NCKAP5: variants seen among roughly 807,000 people sequenced by gnomAD.
The protein encoded by NCKAP5 is NCK associated protein 5, also known as nck-associated protein 5.
In NCKAP5, 92 loss-of-function variants were observed where a neutral mutation model predicts 167.0. The ratio of observed to expected loss-of-function variants is 0.55; its 90% CI spans 0.47 to 0.66. The LOEUF is 0.66. NCKAP5 is among the 30% of genes least tolerant of loss of function. NCKAP5 has a pLI of 0.00. For missense variants in NCKAP5, 2,378 were observed against 2,315.0 expected (o/e 1.03, Z -0.56); for synonymous variants, 891 against 877.4 (o/e 1.02, Z -0.27).
Position 133,160,439 on chromosome 2 carries a change from CT to C in NCKAP5, c.208-30329del, listed in dbSNP as rs796129741. Among the ~76,000 whole-genome samples, 192 of 49,676 alleles carry C rather than the reference CT, an allele frequency of 3.9e-3. 1 individual carries two copies. Among genetic ancestry groups the C allele is most frequent in the South Asian group, 0.022 (31 of 1,428 alleles). The allele number at this position is 49,676 out of a possible 152,430, so 32.6% of individuals were successfully genotyped here. A position where few individuals can be genotyped will look rare whatever the true frequency, so the allele number is the denominator to read the frequency against. On this transcript the variant is annotated intron_variant, in intron 5 of 19. Transcript: ENST00000409261. ...TTTTTTTTTCTTTTCCTTTCTTTTT[CT>C]TTTTTTTTTTTTTAGCAGCGTTTAT...
chr2:132,999,350 A>C (rs1362914317), intron 6 of NCKAP5, among the ~76,000 whole-genome samples: 1 of 152,202 alleles, frequency 6.6e-6, no homozygotes, highest in Admixed American at 6.5e-5. Context: ...CAAAAGCACC[A>C]AAGAGCAGGA....
intron 5 of NCKAP5, among the ~76,000 whole-genome samples, chr2:133,137,109 T>C (rs1427557817): frequency 2.6e-5 from 4 of 152,180 alleles, no homozygotes; most frequent in Non-Finnish European, 5.9e-5. Flanking sequence ...TTACATCTAA[T>C]TGTAGCCTTG....
intron 11 of NCKAP5, among the ~76,000 whole-genome samples, chr2:132,811,824 C>T (rs907679272): frequency 2.6e-5 from 4 of 152,184 alleles, no homozygotes; most frequent in Admixed American, 2.6e-4. Flanking sequence ...CAAAGTTCAG[C>T]GGGAGATTTC....
intron 4 of NCKAP5, chr2:133,284,709 T>C (rs2090046226): frequency 6.6e-6 from 1 of 152,238 alleles, no homozygotes. Flanking sequence ...ATAAGGGACA[T>C]TTCCACATTC....
chr2:133,576,693 G>A, the NCKAP5 span, among the ~76,000 whole-genome samples: 1 of 152,142 alleles, frequency 6.6e-6, no homozygotes. Context: ...AGTGAGAGGG[G>A]GTAACTAAGA....
intron 12 of NCKAP5, among the ~76,000 whole-genome samples, chr2:132,793,961 A>G (rs1684282130): frequency 6.6e-6 from 1 of 151,814 alleles, no homozygotes; most frequent in African/African-American, 2.4e-5. Flanking sequence ...AGGATTATCT[A>G]CTGCAGTAAA....
intron 11 of NCKAP5, among the ~76,000 whole-genome samples, chr2:132,855,183 AG>A (rs1689370809): frequency 6.6e-6 from 1 of 152,174 alleles, no homozygotes; most frequent in African/African-American, 2.4e-5. Flanking sequence ...TACCTCTCAA[AG>A]GGGCCACTTT....
the NCKAP5 span, among the ~76,000 whole-genome samples, chr2:133,610,821 A>G: frequency 1.3e-5 from 2 of 152,218 alleles, no homozygotes; most frequent in African/African-American, 2.4e-5. Flanking sequence ...TACATTTTCT[A>G]CAGTAAACTT....
intron 3 of NCKAP5, among the ~76,000 whole-genome samples, chr2:133,336,227 T>A (rs568310830): frequency 6.6e-6 from 1 of 152,184 alleles, no homozygotes; most frequent in Admixed American, 6.5e-5. Flanking sequence ...ATGTTTTTTC[T>A]GTTCCTTATG....
intron 3 of NCKAP5, among the ~76,000 whole-genome samples, chr2:133,411,478 C>CACCGATG (rs1688770214): frequency 6.6e-6 from 1 of 152,284 alleles, no homozygotes; most frequent in African/African-American, 2.4e-5. Context: ...GACAAGGAAT[C>CACCGATG]ACCGATGAGC....
At chr2:133,637,774 T>TA in the NCKAP5 span, among the ~76,000 whole-genome samples, 2 of 152,082 alleles carry the variant, frequency 1.3e-5, no homozygotes, top group Admixed American at 1.3e-4. Flanking sequence ...AAATTTAACA[T>TA]ACATGCGATT....
intron 3 of NCKAP5, among the ~76,000 whole-genome samples, chr2:133,325,818 G>T (rs1682397060): frequency 6.6e-6 from 1 of 152,134 alleles, no homozygotes; most frequent in African/African-American, 2.4e-5. Flanking sequence ...GCTAGCCTTG[G>T]CCTCCCAACT....
chr2:133,495,638 G>C (rs1007675267), intron 3 of NCKAP5, among the ~76,000 whole-genome samples: 2 of 152,096 alleles, frequency 1.3e-5, no homozygotes, highest in Non-Finnish European at 2.9e-5. Flanking sequence ...AAAAAGCTCC[G>C]AACTACTGAA....
intron 7 of NCKAP5, among the ~76,000 whole-genome samples, chr2:132,976,370 T>C (rs868757728): frequency 1.1e-4 from 17 of 151,834 alleles, no homozygotes; most frequent in African/African-American, 3.6e-4. Context: ...CAAGACCAGC[T>C]TGGCCAACAT....
intron 3 of NCKAP5, among the ~76,000 whole-genome samples, chr2:133,398,882 T>C (rs1027621129): frequency 6.6e-6 from 1 of 152,104 alleles, no homozygotes; most frequent in African/African-American, 2.4e-5. Context: ...TGACTTAAAC[T>C]TAGCCAATCA....
chr2:133,263,856 A>G (rs1257397450), intron 4 of NCKAP5, among the ~76,000 whole-genome samples: 5 of 152,196 alleles, frequency 3.3e-5, no homozygotes, highest in Non-Finnish European at 5.9e-5. Context: ...TTCTAAGTAC[A>G]GAAAATTGCT....
chr2:133,597,673 C>CAAAAAAAAAAAAAAAAAAAAAAAA, the NCKAP5 span, among the ~76,000 whole-genome samples: 3 of 61,106 alleles, frequency 4.9e-5, no homozygotes, highest in African/African-American at 6.7e-5. Context: ...GACTCTGTCT[C>CAAAAAAAAAAAAAAAAAAAAAAAA]AAAAAAAAAA....
At chr2:132,968,989 G>A (rs1174923487) in intron 7 of NCKAP5, among the ~76,000 whole-genome samples, 2 of 152,182 alleles carry the variant, frequency 1.3e-5, no homozygotes, top group African/African-American at 4.8e-5. Flanking sequence ...GGCACTGATA[G>A]AGGAGCCAAG....
chr2:133,213,634 G>T, intron 5 of NCKAP5, 82 bp downstream of exon 5: 1 of 1,347,264 alleles, frequency 7.4e-7, no homozygotes, highest in Non-Finnish European at 1.0e-6. Flanking sequence ...ATTTTCCTTA[G>T]ATATCCTTAA....
Sources: gnomAD v4.1 joint callset for allele counts (sites outside exome capture counted in the v4.1 genomes callset) on GRCh38, gnomAD v4.1.1 for gene constraint, MANE v1.5 for transcripts, NCBI Gene and HGNC (gene_info 2026-07-23, HGNC 2026-07-21) for gene names.